The following ZFPM2 variants were observed in gnomAD, a reference collection of about 807,000 sequenced individuals.
ZFPM2 encodes the protein zinc finger protein, FOG family member 2, also known as zinc finger protein ZFPM2.
In ZFPM2, 20 loss-of-function variants were observed where a neutral mutation model predicts 98.6. The observed-to-expected ratio is 0.20, with a 90% CI of 0.14 to 0.29. The LOEUF (loss-of-function observed/expected upper bound fraction) is 0.29. Ranked by LOEUF, ZFPM2 falls within the 10% of genes least tolerant of loss-of-function variation. The pLI, the probability that ZFPM2 is intolerant of heterozygous loss-of-function variation, is 1.00. For missense variants in ZFPM2, 1,310 were observed against 1,388.6 expected (o/e 0.94, Z 0.90); for synonymous variants, 518 against 502.7 (o/e 1.03, Z -0.41).
intron 5 of ZFPM2, among the ~76,000 whole-genome samples, chr8:105,722,100 T>G (rs1811682347): frequency 6.6e-6 from 1 of 151,766 alleles, no homozygotes; most frequent in African/African-American, 2.4e-5. Context: ...TTTTTTAAAA[T>G]TATATATATG....
At chr8:105,670,545 T>C (rs1817576154) in intron 5 of ZFPM2, among the ~76,000 whole-genome samples, 1 of 148,236 alleles carries the variant, frequency 6.7e-6, no homozygotes, top group East Asian at 2.0e-4. Context: ...CAACATTCTG[T>C]GTATGTCTGT....
chr8:105,505,261 T>G lies in ZFPM2; in HGVS notation c.302-56102T>G, dbSNP rs79082164. The stretch of plus-strand genomic sequence containing the variant: ...ATAATCAAAGTGCACACACAGTAGA[T>G]CGTCTATAAATGGTTACTAGTACTA... On this transcript the variant is annotated intron_variant, in intron 3 of 7. Transcript: ENST00000407775. Among the ~76,000 whole-genome samples, 970 of 152,298 alleles carry G rather than the reference T, an allele frequency of 6.4e-3. 8 individuals carry two copies. The highest frequency in any genetic ancestry group is 0.022 in the African/African-American group (895 of 41,570).
rs1020818905 is a variant in ZFPM2 at position 105,318,492 on chromosome 8, C to A, written c.-450C>A. ...GGCGGCGGCGCCGGAGTATCCGTCCCGCACGCCGGGGCGAGGGGCGAGCGA... is the reference window on the plus strand; with the variant it reads ...GGCGGCGGCGCCGGAGTATCCGTCCAGCACGCCGGGGCGAGGGGCGAGCGA... On this transcript the variant is annotated 5_prime_UTR_variant, in exon 1 of 8. Transcript: ENST00000407775. Among the ~76,000 whole-genome samples, 1 of 148,136 alleles carries A rather than the reference C, an allele frequency of 6.8e-6. No individual in the cohort carries two copies. Among genetic ancestry groups the A allele is most frequent in the African/African-American group, 2.5e-5 (1 of 40,228 alleles).
chr8:105,347,853 C>T (rs970044414), intron 1 of ZFPM2, among the ~76,000 whole-genome samples: 2 of 151,978 alleles, frequency 1.3e-5, no homozygotes, highest in Admixed American at 6.6e-5. Context: ...ACATGTTTAC[C>T]ATATTAAAAA....
At chr8:105,365,836 A>G (rs1426055539) in intron 1 of ZFPM2, among the ~76,000 whole-genome samples, 3 of 152,228 alleles carry the variant, frequency 2.0e-5, no homozygotes, top group Non-Finnish European at 4.4e-5. Context: ...TTGTTCGGAA[A>G]TTTGCAAACG....
At chr8:105,346,841 G>A (rs1230936445) in intron 1 of ZFPM2, among the ~76,000 whole-genome samples, 2 of 152,096 alleles carry the variant, frequency 1.3e-5, no homozygotes, top group African/African-American at 4.8e-5. Context: ...AGGATCCAAC[G>A]ATGAATAAGA....
chr8:105,515,911 C>CTTTT lies in ZFPM2; in HGVS notation c.302-45432_302-45429dup, dbSNP rs34183654. 9.6e-3 allele frequency among the ~76,000 whole-genome samples: 858 copies of CTTTT among 89,138 alleles called. 11 individuals carry two copies. The highest frequency in any genetic ancestry group is 0.012 in the Non-Finnish European group (614 of 49,346). 58.5% of individuals were successfully genotyped at this position (89,138 alleles called of 152,430 possible). On this transcript the variant is annotated intron_variant, in intron 3 of 7. Transcript: ENST00000407775. ...TTGTGCAAGAAAGAAAAAACAACTT[C>CTTTT]TTTTTTTTTTTTTTTTTTTTTTTGA...
At chr8:105,448,654 G>A (rs1157239269) in intron 3 of ZFPM2, among the ~76,000 whole-genome samples, 2 of 152,014 alleles carry the variant, frequency 1.3e-5, no homozygotes, top group Admixed American at 6.6e-5. Context: ...GAAGTGTACA[G>A]ATTTTAGATT....
chr8:105,603,992 C>A (rs1245286362), intron 4 of ZFPM2, among the ~76,000 whole-genome samples: 1 of 151,982 alleles, frequency 6.6e-6, no homozygotes, highest in Non-Finnish European at 1.5e-5. Flanking sequence ...TACCACATGG[C>A]TTTAACTTCC....
intron 3 of ZFPM2, among the ~76,000 whole-genome samples, chr8:105,507,202 C>G (rs1586423677): frequency 1.3e-5 from 2 of 152,134 alleles, no homozygotes; most frequent in African/African-American, 4.8e-5. Context: ...AGAATATCTA[C>G]CTGCATTCGT....
intron 5 of ZFPM2, among the ~76,000 whole-genome samples, chr8:105,695,542 A>G (rs1810999238): frequency 6.6e-6 from 1 of 152,154 alleles, no homozygotes; most frequent in South Asian, 2.1e-4. Context: ...GATTTGGGTT[A>G]CATCTGGATG....
At chr8:105,321,102 A>G (rs1384301325) in intron 1 of ZFPM2, among the ~76,000 whole-genome samples, 1 of 152,146 alleles carries the variant, frequency 6.6e-6, no homozygotes, top group African/African-American at 2.4e-5. Flanking sequence ...TCTATACTGG[A>G]GTAGTCCTCT....
intron 3 of ZFPM2, among the ~76,000 whole-genome samples, chr8:105,509,841 G>A (rs1333419617): frequency 6.6e-6 from 1 of 152,126 alleles, no homozygotes; most frequent in Admixed American, 6.6e-5. Context: ...TAAAGTTAAT[G>A]CTATTTTGTG....
Position 105,803,677 on chromosome 8 carries a change from G to A in ZFPM2, c.*139G>A. ...TATGGCTGAGTTGAAGACTTAAGGTGTAATTTCATTACAGTCCATTAGTAA... is the reference window on the plus strand; with the variant it reads ...TATGGCTGAGTTGAAGACTTAAGGTATAATTTCATTACAGTCCATTAGTAA... On this transcript the variant is annotated 3_prime_UTR_variant, in exon 8 of 8. Transcript: ENST00000407775. The A allele has an allele frequency of 6.1e-6, 5 of 822,660 alleles. No individual in the cohort carries two copies. Among genetic ancestry groups the A allele is most frequent in the Non-Finnish European group, 5.7e-6 (3 of 528,712 alleles). The allele number at this position is 822,660 out of a possible 1,614,324, so 51.0% of individuals were successfully genotyped here. A position where few individuals can be genotyped will look rare whatever the true frequency, so the allele number is the denominator to read the frequency against.
At chr8:105,589,463 T>G (rs1276050621) in intron 4 of ZFPM2, among the ~76,000 whole-genome samples, 1 of 152,174 alleles carries the variant, frequency 6.6e-6, no homozygotes, top group East Asian at 1.9e-4. Flanking sequence ...AAAAACGAAC[T>G]TAAGAGAAAT....
At chr8:105,513,718 T>G (rs1813860963) in intron 3 of ZFPM2, among the ~76,000 whole-genome samples, 2 of 152,242 alleles carry the variant, frequency 1.3e-5, no homozygotes, top group South Asian at 4.1e-4. Context: ...AAAAGTTATA[T>G]TTTTAATTAT....
Position 105,324,406 on chromosome 8 carries a change from A to G in ZFPM2, c.40+5425A>G, listed in dbSNP as rs1812080300. Among the ~76,000 whole-genome samples the G allele has an allele frequency of 3.3e-5, 5 of 151,910 alleles. No individual in the cohort carries two copies. The South Asian group carries it at 8.3e-4, about 25-fold the overall frequency. ...TCATGAACTGTCCAAGGACTTTCTC[A>G]TCCATGTTATTTCTGCTAGTTGAGG... is the stretch of plus-strand genomic sequence containing the variant. On this transcript the variant is annotated intron_variant, in intron 1 of 7. Transcript: ENST00000407775.
At chr8:105,472,683 A>AT (rs1285001008) in intron 3 of ZFPM2, among the ~76,000 whole-genome samples, 1 of 147,818 alleles carries the variant, frequency 6.8e-6, no homozygotes, top group Admixed American at 6.7e-5. Flanking sequence ...TTTTTTTTGT[A>AT]TTTTTTATTA....
rs1191717920 is a variant in ZFPM2 at position 105,318,845 on chromosome 8, A to AGCGGCGGCG, written c.-77_-69dup. 6 of 331,936 alleles carry AGCGGCGGCG rather than the reference A, an allele frequency of 1.8e-5. No homozygotes were observed. The highest frequency in any genetic ancestry group is 2.2e-5 in the Non-Finnish European group (6 of 269,834). 20.6% of individuals were successfully genotyped at this position (331,936 alleles called of 1,614,324 possible). A position where few individuals can be genotyped will look rare whatever the true frequency, so the allele number is the denominator to read the frequency against. Reference sequence around the variant, plus strand: ...GGCCGGCGGCGGGCCGAGCCTGGCCAGCGGCGGCGGCGGCGGCGGCGGCGG... The same window carrying AGCGGCGGCG: ...GGCCGGCGGCGGGCCGAGCCTGGCCAGCGGCGGCGGCGGCGGCGGCGGCGGCGGCGGCGG... On this transcript the variant is annotated 5_prime_UTR_variant, in exon 1 of 8. Transcript: ENST00000407775.
Sources: allele counts gnomAD v4.1 joint callset (sites outside exome capture counted in the v4.1 genomes callset), GRCh38; gene constraint gnomAD v4.1.1; transcripts MANE v1.5; gene names NCBI Gene and HGNC (gene_info 2026-07-23, HGNC 2026-07-21).